LOC128125818: variants seen among roughly 807,000 people sequenced by gnomAD.
At chr4:6,069,527 T>G in the LOC128125818 span, among the ~76,000 whole-genome samples, 1 of 152,124 alleles carries the variant, frequency 6.6e-6, no homozygotes, top group South Asian at 2.1e-4. The surrounding 1 kb of genome is among the most constrained non-coding windows in gnomAD (Gnocchi z 4.5). Flanking sequence ...GGCAGAAAGA[T>G]CGCTTGAGCC....
chr4:6,069,377 C>A, the LOC128125818 span, among the ~76,000 whole-genome samples: 1 of 152,148 alleles, frequency 6.6e-6, no homozygotes, highest in South Asian at 2.1e-4. The surrounding 1 kb of genome is among the most constrained non-coding windows in gnomAD (Gnocchi z 4.5). Context: ...AAGGTAATTC[C>A]TCTAGCCTTC....
chr4:6,067,211 T>C, the LOC128125818 span, among the ~76,000 whole-genome samples: 1 of 152,204 alleles, frequency 6.6e-6, no homozygotes, highest in East Asian at 1.9e-4. This position sits in a 1 kb window ranked among gnomAD's most constrained non-coding sequence, Gnocchi z 4.6. Context: ...GGGTTGGCCC[T>C]TTTGTTCTCG....
At chr4:6,067,128 A>T in the LOC128125818 span, among the ~76,000 whole-genome samples, 1 of 152,128 alleles carries the variant, frequency 6.6e-6, no homozygotes, top group African/African-American at 2.4e-5. The surrounding 1 kb of genome is among the most constrained non-coding windows in gnomAD (Gnocchi z 4.6). Context: ...CGCTGACGTA[A>T]GATCTGGCAA....
chr4:6,066,622 G>A, the LOC128125818 span, among the ~76,000 whole-genome samples: 3 of 152,072 alleles, frequency 2.0e-5, no homozygotes, highest in African/African-American at 7.2e-5. Flanking sequence ...CAGTTGCCCA[G>A]GCCCCAATCC....
At chr4:6,065,067 T>C in the LOC128125818 span, 5 of 1,604,334 alleles carry the variant, frequency 3.1e-6, no homozygotes, top group East Asian at 2.2e-5. The surrounding 1 kb of genome is among the most constrained non-coding windows in gnomAD (Gnocchi z 5.1). Flanking sequence ...AGTCTACCAG[T>C]CCCTGGTCGT....
chr4:6,070,032 G>C, the LOC128125818 span: 2 of 398,450 alleles, frequency 5.0e-6, no homozygotes, highest in Non-Finnish European at 8.8e-6. Flanking sequence ...ACCTCAAAAC[G>C]CAAAACCCCG....
chr4:6,068,529 T>C, the LOC128125818 span, among the ~76,000 whole-genome samples: 3 of 151,308 alleles, frequency 2.0e-5, no homozygotes, highest in Admixed American at 2.0e-4. Context: ...CTCAGGTTTT[T>C]ATGCTGGGTA....
the LOC128125818 span, among the ~76,000 whole-genome samples, chr4:6,069,416 T>G: frequency 1.3e-5 from 2 of 152,206 alleles, no homozygotes; most frequent in Non-Finnish European, 2.9e-5. This position sits in a 1 kb window ranked among gnomAD's most constrained non-coding sequence, Gnocchi z 4.5. Flanking sequence ...AGCCTCTCCT[T>G]GTTGACTCGT....
the LOC128125818 span, among the ~76,000 whole-genome samples, chr4:6,068,247 T>C: frequency 1.3e-5 from 2 of 152,206 alleles, no homozygotes; most frequent in Non-Finnish European, 2.9e-5. Flanking sequence ...ACTACCGATG[T>C]TGCCGCCTGT....
At chr4:6,068,447 A>G in the LOC128125818 span, among the ~76,000 whole-genome samples, 1 of 152,216 alleles carries the variant, frequency 6.6e-6, no homozygotes, top group Non-Finnish European at 1.5e-5. Flanking sequence ...GCAGCAATGC[A>G]GAGGAATCCA....
the LOC128125818 span, among the ~76,000 whole-genome samples, chr4:6,067,241 G>A: frequency 6.6e-6 from 1 of 152,302 alleles, no homozygotes. This position sits in a 1 kb window ranked among gnomAD's most constrained non-coding sequence, Gnocchi z 4.6. Context: ...CAGTGTTAAT[G>A]AACTCAAAGC....
At chr4:6,066,253 G>A in the LOC128125818 span, among the ~76,000 whole-genome samples, 1 of 152,020 alleles carries the variant, frequency 6.6e-6, no homozygotes, top group Non-Finnish European at 1.5e-5. Context: ...AAATGTGACT[G>A]GCACCAGAGT....
At chr4:6,065,970 T>C in the LOC128125818 span, among the ~76,000 whole-genome samples, 28 of 152,220 alleles carry the variant, frequency 1.8e-4, no homozygotes, top group Non-Finnish European at 3.4e-4. The surrounding 1 kb of genome is among the most constrained non-coding windows in gnomAD (Gnocchi z 5.1). Context: ...TCAATGTCTC[T>C]TATTTTAGGA....
the LOC128125818 span, among the ~76,000 whole-genome samples, chr4:6,069,194 T>C: frequency 1.3e-5 from 2 of 152,160 alleles, no homozygotes; most frequent in Non-Finnish European, 2.9e-5. This position sits in a 1 kb window ranked among gnomAD's most constrained non-coding sequence, Gnocchi z 4.5. Flanking sequence ...AAAACATTGT[T>C]TCCTGTCATG....
At chr4:6,067,642 T>C in the LOC128125818 span, among the ~76,000 whole-genome samples, 960 of 145,326 alleles carry the variant, frequency 6.6e-3, 12 homozygotes, top group African/African-American at 0.024. The surrounding 1 kb of genome is among the most constrained non-coding windows in gnomAD (Gnocchi z 4.6). Context: ...CAAGCTCTTC[T>C]GCACACACAC....
the LOC128125818 span, among the ~76,000 whole-genome samples, chr4:6,068,228 A>T: frequency 6.6e-6 from 1 of 152,222 alleles, no homozygotes; most frequent in African/African-American, 2.4e-5. Context: ...GCCCTAATAC[A>T]GGGCATTAAC....
At chr4:6,066,569 C>G in the LOC128125818 span, among the ~76,000 whole-genome samples, 9 of 152,114 alleles carry the variant, frequency 5.9e-5, no homozygotes, top group African/African-American at 7.2e-5. Flanking sequence ...AACACCGCAC[C>G]TCCCGCAATC....
At chr4:6,066,211 G>C in the LOC128125818 span, among the ~76,000 whole-genome samples, 2 of 151,800 alleles carry the variant, frequency 1.3e-5, no homozygotes, top group African/African-American at 4.8e-5. Flanking sequence ...CCCAGCCTGA[G>C]TGTTTTACCC....
the LOC128125818 span, among the ~76,000 whole-genome samples, chr4:6,065,191 C>T: frequency 3.9e-5 from 6 of 152,130 alleles, no homozygotes; most frequent in Admixed American, 2.6e-4. This position sits in a 1 kb window ranked among gnomAD's most constrained non-coding sequence, Gnocchi z 5.1. Context: ...CAGCAGGTGG[C>T]GGATGACCCT....
Sources: gnomAD v4.1 joint callset for allele counts (sites outside exome capture counted in the v4.1 genomes callset) on GRCh38, gnomAD v4.1.1 for gene constraint, Gnocchi (gnomAD v3.1) non-coding constraint, MANE v1.5 for transcripts.